The following FMN1 variants were observed in gnomAD, a reference collection of about 807,000 sequenced individuals.
FMN1 encodes formin 1.
FMN1 carries 110 observed loss-of-function variants against 132.4 expected under a neutral mutation model. That is an observed-to-expected ratio of 0.83 (90% confidence interval 0.71 to 0.97). The LOEUF (loss-of-function observed/expected upper bound fraction) is 0.97, where lower values mean the gene tolerates loss of function less well. FMN1 is among the 50% of genes least tolerant of loss of function. The probability of loss-of-function intolerance (pLI) is 0.00; values close to 1 mark genes in which losing one functional copy is unlikely to be tolerated. For missense variants in FMN1, 1,792 were observed against 1,705.3 expected (o/e 1.05, Z -0.90); for synonymous variants, 722 against 651.7 (o/e 1.11, Z -1.64).
chr15:33,067,338 T>C, intron 5 of FMN1: 1 of 1,613,988 alleles, frequency 6.2e-7, no homozygotes, highest in African/African-American at 1.3e-5. Context: ...CCTCCTGGGT[T>C]TTCTTTGGAC....
At chr15:32,835,255 T>C (rs1017668879) in intron 17 of FMN1, among the ~76,000 whole-genome samples, 3 of 152,204 alleles carry the variant, frequency 2.0e-5, no homozygotes, top group East Asian at 1.9e-4. Flanking sequence ...ACTATTCAGA[T>C]ACAATGAAAA....
intron 17 of FMN1, among the ~76,000 whole-genome samples, chr15:32,847,539 C>T (rs573301075): frequency 1.3e-5 from 2 of 151,326 alleles, no homozygotes; most frequent in South Asian, 4.2e-4. Context: ...TCCAGAAAAA[C>T]AGGAGACAAA....
intron 4 of FMN1, among the ~76,000 whole-genome samples, chr15:33,130,114 GAGCCAC>G (rs531519240): frequency 6.6e-6 from 1 of 152,314 alleles, no homozygotes; most frequent in Non-Finnish European, 1.5e-5. Flanking sequence ...TTATAGGCAT[GAGCCAC>G]AGCACCCAGC....
At position 33,033,030 on chromosome 15, in the gene FMN1, T is replaced by A. The variant is rs538550510; in HGVS notation, c.2162-24955A>T. ...GCTGTTTTACTATTACTGTTTCGTT[T>A]TCGTTTGTTTTTTGTTTTTAAATGG... On this transcript the variant is annotated intron_variant, in intron 6 of 20. Transcript: ENST00000616417. 5.3e-4 allele frequency among the ~76,000 whole-genome samples: 80 copies of A among 152,242 alleles called. 1 individual carries two copies. Among genetic ancestry groups the A allele is most frequent in the Admixed American group, 1.2e-3 (19 of 15,296 alleles).
At chr15:33,187,159 A>G (rs1965915766) in intron 2 of FMN1, among the ~76,000 whole-genome samples, 2 of 152,196 alleles carry the variant, frequency 1.3e-5, no homozygotes, top group Admixed American at 6.5e-5. Flanking sequence ...ATATTAATCT[A>G]TGTTTACTTT....
chr15:33,125,095 A>G (rs566398156), intron 4 of FMN1, among the ~76,000 whole-genome samples: 37 of 152,240 alleles, frequency 2.4e-4, no homozygotes, highest in African/African-American at 8.7e-4. Flanking sequence ...TCTCTGTGAA[A>G]TAACATAATG....
At chr15:32,964,918 G>A (rs2031050089) in intron 8 of FMN1, among the ~76,000 whole-genome samples, 1 of 152,058 alleles carries the variant, frequency 6.6e-6, no homozygotes, top group South Asian at 2.1e-4. Context: ...AGTAGCCATA[G>A]GGAAACTGGG....
intron 10 of FMN1, among the ~76,000 whole-genome samples, chr15:32,920,682 C>T (rs917132185): frequency 2.0e-5 from 3 of 152,178 alleles, no homozygotes; most frequent in Admixed American, 6.5e-5. Context: ...TCAAGCCCTG[C>T]GTCTGCACCT....
chr15:32,908,424 G>T, intron 12 of FMN1, 66 bp downstream of exon 12: 2 of 1,033,126 alleles, frequency 1.9e-6, no homozygotes, highest in Non-Finnish European at 3.0e-6. Flanking sequence ...TTCTGAGCTG[G>T]GAGACAAGAA....
In FMN1 at chr15:33,067,399, G is replaced by A. The variant is rs2037790563; in HGVS notation, c.2044-2325C>T. The stretch of plus-strand genomic sequence containing the variant: ...CACTAGGGGACTTTGGGCCATTGGT[G>A]CTGCTTCCCTCCTCTGGCTCCTGGC... On this transcript the variant is annotated intron_variant, in intron 5 of 20. Transcript: ENST00000616417. 1.9e-6 allele frequency: 3 copies of A among 1,613,990 alleles called. No homozygotes were observed. Among genetic ancestry groups the A allele is most frequent in the African/African-American group, 2.7e-5 (2 of 75,044 alleles).
At position 32,969,494 on chromosome 15, in the gene FMN1, A is replaced by T. The variant is rs554811852; in HGVS notation, c.2224-17T>A. Reference sequence around the variant, plus strand: ...AAACTGTGCCTATAGGAAAATTCAGAGGGAAAGAAAGTAATGAGTTTATTA... The same window carrying T: ...AAACTGTGCCTATAGGAAAATTCAGTGGGAAAGAAAGTAATGAGTTTATTA... On this transcript the variant is annotated splice_polypyrimidine_tract_variant and intron_variant, in intron 7 of 20. Transcript: ENST00000616417. 9.9e-6 allele frequency: 16 copies of T among 1,608,420 alleles called. No individual in the cohort carries two copies. The highest frequency in any genetic ancestry group is 1.3e-5 in the Non-Finnish European group (15 of 1,177,386).
At chr15:33,034,726 C>T (rs555811700) in intron 6 of FMN1, among the ~76,000 whole-genome samples, 109 of 152,284 alleles carry the variant, frequency 7.2e-4, no homozygotes, top group African/African-American at 2.5e-3. Context: ...GCCACCACCT[C>T]CTGTGCAAAT....
At position 32,868,382 on chromosome 15, in the gene FMN1, T is replaced by C. The variant is rs140640915; in HGVS notation, c.3836-11275A>G. Reference sequence around the variant, plus strand: ...TTCTACTGAATAATGTTGGGGACTGTAACAGTATAGAAACCTGTGCAGATT... The same window carrying C: ...TTCTACTGAATAATGTTGGGGACTGCAACAGTATAGAAACCTGTGCAGATT... On this transcript the variant is annotated intron_variant, in intron 16 of 20. Coordinates refer to ENST00000616417, the MANE Select transcript of FMN1 (RefSeq NM_001277313.2). Among the ~76,000 whole-genome samples the C allele has an allele frequency of 1.0e-3, 152 of 152,274 alleles. 2 individuals carry two copies. Among genetic ancestry groups the C allele is most frequent in the African/African-American group, 3.2e-3 (131 of 41,548 alleles).
At chr15:33,002,035 G>T (rs888544469) in intron 7 of FMN1, among the ~76,000 whole-genome samples, 3 of 152,118 alleles carry the variant, frequency 2.0e-5, no homozygotes, top group Admixed American at 6.6e-5. Context: ...TCAAGTGTAT[G>T]GTTAAAACAA....
At chr15:32,974,848 T>C (rs2032075833) in intron 7 of FMN1, among the ~76,000 whole-genome samples, 1 of 152,240 alleles carries the variant, frequency 6.6e-6, no homozygotes, top group African/African-American at 2.4e-5. Context: ...GTAAAGTCCC[T>C]TTCCTAATTG....
chr15:33,010,849 A>T (rs2034675627), intron 6 of FMN1, among the ~76,000 whole-genome samples: 1 of 152,026 alleles, frequency 6.6e-6, no homozygotes, highest in Non-Finnish European at 1.5e-5. Flanking sequence ...CAACAGAAAT[A>T]TGTAAAGACC....
chr15:32,821,732 G>A (rs1009757768), intron 17 of FMN1, among the ~76,000 whole-genome samples: 73 of 152,116 alleles, frequency 4.8e-4, no homozygotes, highest in African/African-American at 1.7e-3. Context: ...TTACAGGCAT[G>A]AGCCACCACA....
intron 5 of FMN1, chr15:33,066,833 A>G (rs777375601): frequency 3.1e-6 from 5 of 1,613,790 alleles, no homozygotes; most frequent in East Asian, 4.5e-5. Flanking sequence ...GGGCATGTCA[A>G]TGTTGAGCAG....
intron 1 of FMN1, among the ~76,000 whole-genome samples, chr15:33,194,332 G>A (rs954221254): frequency 3.9e-5 from 5 of 129,034 alleles, no homozygotes; most frequent in African/African-American, 1.5e-4. Context: ...GAGAGTCAAC[G>A]ACAGGAGTTC....
Sources: gnomAD v4.1 joint callset for allele counts (sites outside exome capture counted in the v4.1 genomes callset) on GRCh38, gnomAD v4.1.1 for gene constraint, MANE v1.5 for transcripts, NCBI Gene and HGNC (gene_info 2026-07-23, HGNC 2026-07-21) for gene names.